TOP3A: variants seen among roughly 807,000 people sequenced by gnomAD.
TOP3A encodes DNA topoisomerase 3-alpha.
In TOP3A, 64 loss-of-function variants were observed where a neutral mutation model predicts 111.3. That is an observed-to-expected ratio of 0.57 (90% CI 0.47 to 0.71). The LOEUF is 0.71. Ranked by LOEUF, TOP3A falls within the 30% of genes least tolerant of loss-of-function variation. The pLI is 0.00. For synonymous variants in TOP3A, 484 were observed against 485.1 expected (o/e 1.00, Z 0.03); for missense variants, 1,104 against 1,285.0 (o/e 0.86, Z 2.15).
chr17:18,314,498 G>T, intron 1 of TOP3A, 101 bp downstream of exon 1: 1 of 1,341,712 alleles, frequency 7.5e-7, no homozygotes, highest in South Asian at 1.4e-5. Context: ...CCTGAGAAAT[G>T]GGAGATAATC....
rs371505497 is a variant in TOP3A at position 18,305,319 on chromosome 17, T to C, written c.391-99A>G. 7.9e-5 allele frequency: 77 copies of C among 973,618 alleles called. No individual in the cohort carries two copies. The African/African-American group carries it at 1.2e-3, about 15-fold the overall frequency. The allele number at this position is 973,618 out of a possible 1,614,324, so 60.3% of individuals were successfully genotyped here. On this transcript the variant is annotated intron_variant, in intron 4 of 18. Transcript: ENST00000321105. ...GGATCTGACTGAAGGTTAATGCTGC[T>C]CTTGGAGTGTGACAACTTGGCAAGG...
intron 1 of TOP3A, among the ~76,000 whole-genome samples, chr17:18,310,183 T>C (rs1336292254): frequency 6.6e-6 from 1 of 151,732 alleles, no homozygotes; most frequent in Non-Finnish European, 1.5e-5. Flanking sequence ...TTCCAGCACT[T>C]TGGGAGGCTG....
chr17:18,301,535 A>C (rs1379401130), intron 8 of TOP3A, among the ~76,000 whole-genome samples: 8 of 152,228 alleles, frequency 5.3e-5, no homozygotes, highest in Admixed American at 2.0e-4. Flanking sequence ...ACCAATAAAG[A>C]GGGGGCTGAG....
At chr17:18,307,734 AC>A (rs1220404689) in intron 3 of TOP3A, among the ~76,000 whole-genome samples, 5 of 151,872 alleles carry the variant, frequency 3.3e-5, no homozygotes, top group African/African-American at 1.2e-4. Flanking sequence ...ACAGGGTGAA[AC>A]TCCATCTCTA....
chr17:18,299,308 A>G (rs538598099), intron 9 of TOP3A, among the ~76,000 whole-genome samples: 3 of 152,156 alleles, frequency 2.0e-5, no homozygotes, highest in Non-Finnish European at 4.4e-5. Flanking sequence ...GTACATGACT[A>G]TAGTCCCAGC....
intron 15 of TOP3A, among the ~76,000 whole-genome samples, chr17:18,284,148 C>T (rs930828355): frequency 6.6e-6 from 1 of 151,832 alleles, no homozygotes; most frequent in African/African-American, 2.4e-5. Context: ...TACAGGTACG[C>T]ACCACCATGC....
intron 3 of TOP3A, among the ~76,000 whole-genome samples, chr17:18,308,038 C>A (rs989464775): frequency 1.5e-4 from 22 of 151,226 alleles, no homozygotes; most frequent in Non-Finnish European, 2.5e-4. Context: ...ATGGTGAAAC[C>A]CTGTCTCTAC....
intron 9 of TOP3A, among the ~76,000 whole-genome samples, chr17:18,296,805 G>C (rs1980836444): frequency 6.6e-6 from 1 of 152,166 alleles, no homozygotes; most frequent in Admixed American, 6.5e-5. Context: ...AGTGGTGACT[G>C]AGAAGGCATA....
At position 18,299,609 on chromosome 17, in the gene TOP3A, C is replaced by T. The variant is rs768752057; in HGVS notation, c.940G>A (p.Val314Ile). The part of the protein sequence containing the change: ...VEDPMATVVE[V>I]RSKPKSKWRP... ...CACTTGCTCTTGGGCTTAGATCTGACCTCTACCACAGTTGCCATGGGATCC... is the reference window on the plus strand; with the variant it reads ...CACTTGCTCTTGGGCTTAGATCTGATCTCTACCACAGTTGCCATGGGATCC... Residue 314 changes from valine to isoleucine, a missense_variant, in exon 9 of 19, where the codon GTC becomes ATC. Val to Ile is a conservative substitution (Grantham distance 29). Transcript: ENST00000321105. 11 of 1,613,958 alleles carry T rather than the reference C, an allele frequency of 6.8e-6. No homozygotes were observed. In the African/African-American group the frequency reaches 1.3e-4, roughly 20 times the overall value.
chr17:18,314,218 G>A (rs1250227562), intron 1 of TOP3A, among the ~76,000 whole-genome samples: 1 of 152,140 alleles, frequency 6.6e-6, no homozygotes, highest in Non-Finnish European at 1.5e-5. Flanking sequence ...CCAAGTTAAG[G>A]GAATCTGGTC....
intron 18 of TOP3A, among the ~76,000 whole-genome samples, chr17:18,275,207 G>A (rs1471549192): frequency 2.0e-5 from 3 of 150,878 alleles, no homozygotes; most frequent in East Asian, 3.9e-4. Context: ...ACAGCTACTC[G>A]GGAGGATGCC....
At chr17:18,288,131 T>TTATATATATATATATATATATA (rs142429216) in intron 13 of TOP3A, among the ~76,000 whole-genome samples, 111 of 122,676 alleles carry the variant, frequency 9.0e-4, no homozygotes, top group East Asian at 1.6e-3. Flanking sequence ...CTGTTAATAA[T>TTATATATATATATATATATATA]TATATATATA....
intron 17 of TOP3A, among the ~76,000 whole-genome samples, chr17:18,279,719 C>T (rs969864495): frequency 1.3e-5 from 2 of 152,044 alleles, no homozygotes; most frequent in Admixed American, 6.5e-5. Flanking sequence ...CAGGGTCTGG[C>T]TCTGTCATTC....
intron 1 of TOP3A, among the ~76,000 whole-genome samples, chr17:18,309,946 G>A (rs1031188472): frequency 2.0e-5 from 3 of 150,974 alleles, no homozygotes; most frequent in South Asian, 2.1e-4. Flanking sequence ...TCCTGACCTC[G>A]TGATCCACCT....
chr17:18,276,744 C>G (rs962507652), intron 18 of TOP3A, among the ~76,000 whole-genome samples: 1 of 152,184 alleles, frequency 6.6e-6, no homozygotes, highest in African/African-American at 2.4e-5. Flanking sequence ...GCAGGAGGAA[C>G]CATTCAAAGT....
Position 18,308,362 on chromosome 17 carries a change from C to A in TOP3A, c.303G>T (p.Gln101His), listed in dbSNP as rs1024367275. Residue 101 changes from glutamine (Q) to histidine (H), a missense_variant, in exon 3 of 19, where the codon CAG (glutamine) becomes CAT (histidine). By Grantham distance (24) the Gln-to-His change is conservative (BLOSUM62 0). Transcript: ENST00000321105. ...GHLLAHDFQMQFRKWQSCNPL... is the reference protein window; with the variant it reads ...GHLLAHDFQMHFRKWQSCNPL... The stretch of plus-strand genomic sequence containing the variant: ...AGAATTGTACTGACCATTTTCGAAA[C>A]TGCATCTGGAAATCATGAGCCAGTA... The A allele has an allele frequency of 3.1e-6, 5 of 1,596,498 alleles. No individual in the cohort carries two copies. The highest frequency in any genetic ancestry group is 4.3e-6 in the Non-Finnish European group (5 of 1,169,484).
At chr17:18,297,816 CGAGATTGCAGCCTCT>C (rs1306850625) in intron 9 of TOP3A, among the ~76,000 whole-genome samples, 2 of 152,084 alleles carry the variant, frequency 1.3e-5, no homozygotes, top group Non-Finnish European at 2.9e-5. Context: ...CCCAAAGTGC[CGAGATTGCAGCCTCT>C]GCCCGGCCGC....
At position 18,273,091 on chromosome 17, in the gene TOP3A, C is replaced by T. The variant is rs2142920798; in HGVS notation, c.*1711G>A. 6.6e-6 allele frequency: 1 copy of T among 152,254 alleles called. No individual in the cohort carries two copies. Among genetic ancestry groups the T allele is most frequent in the African/African-American group, 2.4e-5 (1 of 41,540 alleles). The allele number at this position is 152,254 out of a possible 1,614,324, so 9.4% of individuals were successfully genotyped here. On this transcript the variant is annotated 3_prime_UTR_variant, in exon 19 of 19. Transcript: ENST00000321105. ...AACCCACACCCACTCGGAGATGTTC[C>T]AGGAACAATCTCAGGAACCTGCATT...
At chr17:18,294,871 C>G (rs1980698289) in intron 9 of TOP3A, 86 bp from the exon 10 acceptor site, 1 of 899,254 alleles carries the variant, frequency 1.1e-6, no homozygotes, top group African/African-American at 1.6e-5. Flanking sequence ...TCAGTCAAAT[C>G]TGGCCCGTGT....
Sources: allele counts gnomAD v4.1 joint callset (sites outside exome capture counted in the v4.1 genomes callset), GRCh38; gene constraint gnomAD v4.1.1; transcripts MANE v1.5; gene names NCBI Gene and HGNC (gene_info 2026-07-23, HGNC 2026-07-21).